The following SBF2 variants were observed in gnomAD, a reference collection of about 807,000 sequenced individuals.
The protein encoded by SBF2 is SET binding factor 2.
A neutral mutation model predicts 225.2 loss-of-function variants in SBF2; 112 were observed. The observed-to-expected ratio is 0.50, with a 90% CI of 0.43 to 0.58. The LOEUF is 0.58. Among genes scored for constraint, SBF2 ranks in the 20% least tolerant of loss-of-function variants. The probability of loss-of-function intolerance (pLI) is 0.00; values close to 1 mark genes in which losing one functional copy is unlikely to be tolerated. For missense variants in SBF2, 1,996 were observed against 2,206.2 expected, an observed-to-expected ratio of 0.90 and a Z score of 1.91; for synonymous variants, 763 against 773.3, an observed-to-expected ratio of 0.99 and a Z score of 0.22.
chr11:10,004,978 T>C (rs949472962), intron 6 of SBF2, among the ~76,000 whole-genome samples: 3 of 152,128 alleles, frequency 2.0e-5, no homozygotes, highest in African/African-American at 7.2e-5. Context: ...TAGCCAGACA[T>C]GAGCAGGGAA....
At chr11:9,910,716 C>CT (rs1227500744) in intron 16 of SBF2, among the ~76,000 whole-genome samples, 22 of 150,110 alleles carry the variant, frequency 1.5e-4, no homozygotes, top group South Asian at 2.1e-4. Flanking sequence ...AAAAAAACAA[C>CT]TTTTTTTTAC....
intron 17 of SBF2, 87 bp downstream of exon 17, chr11:9,895,856 A>C: frequency 1.0e-6 from 1 of 977,758 alleles, no homozygotes; most frequent in South Asian, 1.3e-5. Context: ...CTAAGAGGAC[A>C]GGATTTTCAT....
intron 1 of SBF2, among the ~76,000 whole-genome samples, chr11:10,244,630 T>C (rs909241128): frequency 1.3e-5 from 2 of 152,216 alleles, no homozygotes; most frequent in African/African-American, 2.4e-5. Flanking sequence ...TTTAGGCATG[T>C]GTTATCCTGT....
At chr11:9,867,027 G>C (rs563376130) in intron 17 of SBF2, among the ~76,000 whole-genome samples, 45 of 151,730 alleles carry the variant, frequency 3.0e-4, no homozygotes, top group Admixed American at 6.6e-4. Context: ...CAATGAGATG[G>C]GTACAAAAAA....
At chr11:9,823,751 A>C (rs1854911161) in intron 28 of SBF2, among the ~76,000 whole-genome samples, 1 of 152,216 alleles carries the variant, frequency 6.6e-6, no homozygotes, top group Admixed American at 6.5e-5. Flanking sequence ...CATTCGTCCT[A>C]CTTTGAGAAG....
At chr11:9,910,794 A>C (rs1862541150) in intron 16 of SBF2, among the ~76,000 whole-genome samples, 1 of 151,560 alleles carries the variant, frequency 6.6e-6, no homozygotes, top group Non-Finnish European at 1.5e-5. Flanking sequence ...CACACCTGTA[A>C]TCCCAGCACC....
At chr11:10,203,224 C>T (rs1007368451) in intron 1 of SBF2, among the ~76,000 whole-genome samples, 1 of 152,086 alleles carries the variant, frequency 6.6e-6, no homozygotes, top group Non-Finnish European at 1.5e-5. Flanking sequence ...CAGAGACCTG[C>T]AGAAGGCTGA....
intron 28 of SBF2, among the ~76,000 whole-genome samples, chr11:9,824,428 G>A (rs1473879079): frequency 3.3e-5 from 5 of 151,762 alleles, no homozygotes; most frequent in Non-Finnish European, 7.4e-5. Flanking sequence ...ACGGTGGCAC[G>A]TGCCTGTAAT....
At chr11:10,022,609 T>A (rs1301328542) in intron 6 of SBF2, among the ~76,000 whole-genome samples, 2 of 149,146 alleles carry the variant, frequency 1.3e-5, no homozygotes, top group African/African-American at 4.9e-5. Context: ...CACCCCCCCA[T>A]CATAATCTCC....
At chr11:10,078,451 A>G (rs890510352) in intron 2 of SBF2, among the ~76,000 whole-genome samples, 7 of 152,344 alleles carry the variant, frequency 4.6e-5, no homozygotes, top group African/African-American at 7.2e-5. Context: ...ATGCAGCCAT[A>G]AAAAAGGATG....
chr11:10,235,354 G>C (rs1337038399), intron 1 of SBF2, among the ~76,000 whole-genome samples: 1 of 152,164 alleles, frequency 6.6e-6, no homozygotes, highest in Non-Finnish European at 1.5e-5. Context: ...CACCAACGTG[G>C]AGAAACCCCG....
At chr11:10,068,708 T>C (rs1430546386) in intron 2 of SBF2, among the ~76,000 whole-genome samples, 1 of 152,136 alleles carries the variant, frequency 6.6e-6, no homozygotes, top group East Asian at 1.9e-4. Flanking sequence ...TCATTATTAC[T>C]AATATTATTA....
At chr11:9,973,486 GA>G (rs1946547765) in intron 13 of SBF2, among the ~76,000 whole-genome samples, 1 of 152,134 alleles carries the variant, frequency 6.6e-6, no homozygotes, top group Non-Finnish European at 1.5e-5. Context: ...ATAAACTACT[GA>G]AAAGAGTTTG....
chr11:10,040,130 T>C (rs1370193058), intron 3 of SBF2, among the ~76,000 whole-genome samples: 13 of 152,022 alleles, frequency 8.6e-5, no homozygotes, highest in Admixed American at 5.2e-4. Flanking sequence ...GGGAACATGA[T>C]TGATGAACAG....
At chr11:9,929,106 A>G (rs1864282325) in intron 16 of SBF2, 1 of 319,608 alleles carries the variant, frequency 3.1e-6, no homozygotes, top group Admixed American at 3.6e-5. Context: ...AGTTGACAAC[A>G]ACCAAGTGGG....
chr11:10,159,307 T>A (rs1364356581), intron 2 of SBF2, among the ~76,000 whole-genome samples: 1 of 152,236 alleles, frequency 6.6e-6, no homozygotes, highest in Non-Finnish European at 1.5e-5. Flanking sequence ...CTAGATTACA[T>A]TTGTGGGACT....
intron 16 of SBF2, among the ~76,000 whole-genome samples, chr11:9,942,901 G>GAGAGAAAGAAAGAAAGAAAGAA (rs1209099295): frequency 1.4e-4 from 14 of 101,382 alleles, no homozygotes; most frequent in African/African-American, 4.7e-4. Context: ...AAGAGAGAGA[G>GAGAGAAAGAAAGAAAGAAAGAA]AGAAAGAAAG....
intron 1 of SBF2, among the ~76,000 whole-genome samples, chr11:10,216,634 C>G (rs1182486075): frequency 2.6e-5 from 4 of 152,194 alleles, no homozygotes; most frequent in African/African-American, 9.7e-5. Context: ...CTGTGGGAGG[C>G]CAAGGCGGGT....
At chr11:9,803,333 G>A (rs989984118) in intron 32 of SBF2, among the ~76,000 whole-genome samples, 1 of 152,066 alleles carries the variant, frequency 6.6e-6, no homozygotes, top group African/African-American at 2.4e-5. Context: ...TGTAGTTTTA[G>A]CATCTATTGT....
Sources: allele counts gnomAD v4.1 joint callset (sites outside exome capture counted in the v4.1 genomes callset), GRCh38; gene constraint gnomAD v4.1.1; transcripts MANE v1.5; gene names NCBI Gene and HGNC (gene_info 2026-07-23, HGNC 2026-07-21).